NOD2: variants seen among roughly 807,000 people sequenced by gnomAD.
The protein encoded by NOD2 is nucleotide-binding oligomerization domain-containing protein 2.
In NOD2, 86 loss-of-function variants were observed where a neutral mutation model predicts 90.9. That is an observed-to-expected ratio of 0.95 (90% confidence interval 0.79 to 1.13). The LOEUF (loss-of-function observed/expected upper bound fraction) is 1.13, where lower values mean the gene tolerates loss of function less well. Among genes scored for constraint, NOD2 ranks in the 50% most tolerant of loss-of-function variants. NOD2 has a pLI of 0.00. For synonymous variants in NOD2, 581 were observed against 554.6 expected (o/e 1.05, Z -0.67); for missense variants, 1,238 against 1,283.8 (o/e 0.96, Z 0.55).
chr16:50,702,681 A>C (rs1246452774), intron 2 of NOD2, among the ~76,000 whole-genome samples: 1 of 152,226 alleles, frequency 6.6e-6, no homozygotes, highest in Non-Finnish European at 1.5e-5. Flanking sequence ...GTGAATTCCT[A>C]CTGTGTGCCA....
intron 8 of NOD2, 28 bp from the exon 9 acceptor site, chr16:50,723,273 C>T (rs376437615): frequency 6.2e-6 from 10 of 1,607,668 alleles, no homozygotes; most frequent in Non-Finnish European, 8.5e-6. Context: ...CCTGCTCTGA[C>T]ATACTTTTGT....
intron 2 of NOD2, among the ~76,000 whole-genome samples, chr16:50,701,033 T>C (rs537494115): frequency 6.6e-6 from 1 of 152,362 alleles, no homozygotes; most frequent in East Asian, 1.9e-4. Context: ...GGAACAATCA[T>C]TAACATTCCA....
chr16:50,724,992 C>T (rs1965213853), intron 9 of NOD2, among the ~76,000 whole-genome samples: 1 of 152,174 alleles, frequency 6.6e-6, no homozygotes, highest in South Asian at 2.1e-4. Flanking sequence ...GCTCCAGGTG[C>T]AGCACTACTT....
Position 50,699,855 on chromosome 16 carries a change from C to T in NOD2, c.360C>T (p.Ser120=). The T allele has an allele frequency of 1.2e-6, 2 of 1,613,484 alleles. No homozygotes were observed. Among genetic ancestry groups the T allele is most frequent in the Non-Finnish European group, 1.7e-6 (2 of 1,179,994 alleles). ...HRPAIVRRLH[S]HVENMLDLAW... is the part of the protein sequence containing the mutation. ...CAGCCATTGTCAGGAGGCTCCACAG[C>T]CATGTGGAGAACATGCTGGACCTGG... Residue 120 remains serine (S), a synonymous_variant, in exon 2 of 12, where the codon AGC becomes AGT. Coordinates refer to ENST00000647318, the MANE Select transcript of NOD2 (RefSeq NM_001370466.1).
intron 4 of NOD2, chr16:50,713,322 C>T (rs1964626682): frequency 6.6e-6 from 1 of 152,140 alleles, no homozygotes; most frequent in Non-Finnish European, 1.5e-5. Flanking sequence ...CAAACCACTT[C>T]CTGAGAGTAT....
chr16:50,718,712 C>T (rs1041714348), intron 6 of NOD2, among the ~76,000 whole-genome samples: 7 of 152,166 alleles, frequency 4.6e-5, no homozygotes, highest in African/African-American at 1.2e-4. Context: ...CCCTGGCTAC[C>T]TCACAGGCTG....
chr16:50,702,770 C>T (rs559342828), intron 2 of NOD2, among the ~76,000 whole-genome samples: 1 of 152,314 alleles, frequency 6.6e-6, no homozygotes, highest in South Asian at 2.1e-4. Context: ...TGTTTCTTAA[C>T]AATGAAGAAA....
intron 2 of NOD2, among the ~76,000 whole-genome samples, chr16:50,703,298 A>C (rs942473937): frequency 6.6e-6 from 1 of 152,154 alleles, no homozygotes; most frequent in Non-Finnish European, 1.5e-5. Flanking sequence ...GTATTGTTCT[A>C]TTTTGAAAAA....
chr16:50,722,547 G>C (rs104895466), intron 7 of NOD2, 75 bp from the exon 8 acceptor site: 2 of 1,384,696 alleles, frequency 1.4e-6, no homozygotes, highest in East Asian at 4.6e-5. Context: ...AGAGGGAGGA[G>C]GACTGTTAGT....
chr16:50,695,576 C>A (rs2150773670), intron 1 of NOD2, among the ~76,000 whole-genome samples: 1 of 152,008 alleles, frequency 6.6e-6, no homozygotes, highest in East Asian at 1.9e-4. Context: ...TTTAAAGCCA[C>A]AAGAGCAGGT....
chr16:50,729,795 C>T, intron 10 of NOD2, 23 bp from the exon 11 acceptor site: 2 of 1,597,896 alleles, frequency 1.3e-6, no homozygotes, highest in Non-Finnish European at 1.7e-6. Flanking sequence ...CCTTGAAGCT[C>T]ACCATTGTAT....
At position 50,708,899 on chromosome 16, in the gene NOD2, C is replaced by T. The variant is rs1483203457; in HGVS notation, c.565+939C>T. 3.3e-5 allele frequency among the ~76,000 whole-genome samples: 5 copies of T among 152,242 alleles called. 1 individual carries two copies. In the South Asian group the frequency reaches 6.2e-4, roughly 19 times the overall value. On this transcript the variant is annotated intron_variant, in intron 3 of 11. Transcript: ENST00000647318. The stretch of plus-strand genomic sequence containing the variant: ...CAGTGCGCCACAGCAGGGTGCGCGG[C>T]ACGGAGTGCAGGCCCTGGTTTGGCC...
chr16:50,716,070 G>T (rs1351618391), intron 4 of NOD2, among the ~76,000 whole-genome samples: 1 of 152,156 alleles, frequency 6.6e-6, no homozygotes, highest in African/African-American at 2.4e-5. Context: ...TGCCATTGGG[G>T]TTAAGGACTG....
At chr16:50,731,595 A>T in intron 11 of NOD2, 152 bp from the exon 12 acceptor site, 1 of 682,914 alleles carries the variant, frequency 1.5e-6, no homozygotes, top group Non-Finnish European at 2.7e-6. Flanking sequence ...GCCAAGGGTA[A>T]AAACAGCCCT....
intron 1 of NOD2, among the ~76,000 whole-genome samples, chr16:50,694,537 C>A (rs1963555406): frequency 6.6e-6 from 1 of 152,176 alleles, no homozygotes; most frequent in African/African-American, 2.4e-5. Flanking sequence ...CTCATCCAGC[C>A]CACCTCCCTC....
At chr16:50,716,691 G>A (rs1192907094) in intron 5 of NOD2, 21 bp downstream of exon 5, 18 of 1,611,738 alleles carry the variant, frequency 1.1e-5, no homozygotes, top group Non-Finnish European at 1.3e-5. Context: ...CTGGGCTGTG[G>A]ACAATGGGCT....
At chr16:50,700,340 T>A (rs1212967183) in intron 2 of NOD2, among the ~76,000 whole-genome samples, 1 of 152,044 alleles carries the variant, frequency 6.6e-6, no homozygotes, top group African/African-American at 2.4e-5. Flanking sequence ...CCCAGGCTGG[T>A]CTCCAGCTCC....
intron 1 of NOD2, among the ~76,000 whole-genome samples, chr16:50,694,483 C>A (rs890402739): frequency 6.6e-6 from 1 of 152,118 alleles, no homozygotes; most frequent in Non-Finnish European, 1.5e-5. Flanking sequence ...CTGCTCAAGG[C>A]CCCTTTGCCT....
chr16:50,722,985 T>C (rs940071724), intron 8 of NOD2, among the ~76,000 whole-genome samples: 3 of 151,196 alleles, frequency 2.0e-5, no homozygotes, highest in African/African-American at 7.3e-5. Context: ...TTCCAATCCA[T>C]TGGTAGTGGG....
Sources: gnomAD v4.1 joint callset for allele counts (sites outside exome capture counted in the v4.1 genomes callset) on GRCh38, gnomAD v4.1.1 for gene constraint, MANE v1.5 for transcripts, NCBI Gene and HGNC (gene_info 2026-07-23, HGNC 2026-07-21) for gene names.